RFX4: variants seen among roughly 807,000 people sequenced by gnomAD.
The protein encoded by RFX4 is regulatory factor X4.
In RFX4, 10 loss-of-function variants were observed where a neutral mutation model predicts 95.0. The observed-to-expected ratio is 0.11, with a 90% CI of 0.06 to 0.18. The LOEUF is 0.18. Among genes scored for constraint, RFX4 ranks in the 10% least tolerant of loss-of-function variants. RFX4 has a pLI of 1.00. For missense variants in RFX4, 640 were observed against 922.0 expected (o/e 0.69, Z 3.96); for synonymous variants, 321 against 340.7 (o/e 0.94, Z 0.64).
At chr12:106,738,195 C>A (rs867958204) in intron 15 of RFX4, among the ~76,000 whole-genome samples, 1 of 152,180 alleles carries the variant, frequency 6.6e-6, no homozygotes, top group African/African-American at 2.4e-5. Flanking sequence ...GAGACACACA[C>A]GAGTCTGCTA....
At chr12:106,742,169 T>G (rs2042818831) in intron 15 of RFX4, among the ~76,000 whole-genome samples, 1 of 152,092 alleles carries the variant, frequency 6.6e-6, no homozygotes, top group Non-Finnish European at 1.5e-5. Flanking sequence ...GCTTCAGGTT[T>G]TTGTTGTTGT....
intron 3 of RFX4, among the ~76,000 whole-genome samples, chr12:106,650,339 G>A (rs2040835097): frequency 6.6e-6 from 1 of 152,104 alleles, no homozygotes; most frequent in Non-Finnish European, 1.5e-5. Context: ...ACACAAAATT[G>A]CAGTTGCCCA....
At chr12:106,704,980 T>G (rs906260495) in intron 8 of RFX4, among the ~76,000 whole-genome samples, 4 of 152,272 alleles carry the variant, frequency 2.6e-5, no homozygotes, top group African/African-American at 7.2e-5. Flanking sequence ...CAGCAAGGCA[T>G]GTCAAAGTGC....
At chr12:106,590,199 G>C (rs562923006) in intron 1 of RFX4, among the ~76,000 whole-genome samples, 5 of 152,378 alleles carry the variant, frequency 3.3e-5, no homozygotes, top group African/African-American at 1.2e-4. Context: ...TGGTCTGGAA[G>C]CTTAATGTTG....
At chr12:106,738,840 C>A (rs1310672519) in intron 15 of RFX4, among the ~76,000 whole-genome samples, 1 of 152,040 alleles carries the variant, frequency 6.6e-6, no homozygotes, top group Non-Finnish European at 1.5e-5. Context: ...AACTATTTAC[C>A]CATGCTAGAA....
intron 13 of RFX4, among the ~76,000 whole-genome samples, chr12:106,728,929 T>C (rs1450263263): frequency 6.6e-6 from 1 of 152,146 alleles, no homozygotes; most frequent in Non-Finnish European, 1.5e-5. Context: ...AAATTTAGAA[T>C]GGAAAATTAA....
intron 5 of RFX4, chr12:106,684,987 C>A: frequency 6.3e-7 from 1 of 1,590,828 alleles, no homozygotes; most frequent in South Asian, 1.1e-5. Context: ...AAGCCCTTCC[C>A]ATAATTCAAA....
intron 4 of RFX4, 103 bp downstream of exon 4, chr12:106,654,454 T>G (rs1371469058): frequency 1.5e-6 from 2 of 1,334,334 alleles, no homozygotes; most frequent in African/African-American, 3.0e-5. Context: ...GTTATCAAAG[T>G]ACTTACTTAC....
At position 106,686,862 on chromosome 12, in the gene RFX4, CCT is replaced by C; in HGVS notation, c.378-20_378-19del. On this transcript the variant is annotated intron_variant, in intron 5 of 17. Coordinates refer to ENST00000392842, the MANE Select transcript of RFX4 (RefSeq NM_213594.3). Reference sequence around the variant, plus strand: ...CTCTTTTTTTTTTTTTCTCTCTCTCCCTCCCTCCCCTTGTGGCCCAGGTACCA... The same window carrying C: ...CTCTTTTTTTTTTTTTCTCTCTCTCCCCCTCCCCTTGTGGCCCAGGTACCA... 1 of 695,706 alleles carries C rather than the reference CCT, an allele frequency of 1.4e-6. No homozygotes were observed. Among genetic ancestry groups the C allele is most frequent in the Non-Finnish European group, 2.0e-6 (1 of 512,294 alleles). 43.1% of individuals were successfully genotyped at this position (695,706 alleles called of 1,614,324 possible). A position where few individuals can be genotyped will look rare whatever the true frequency, so the allele number is the denominator to read the frequency against.
intron 1 of RFX4, among the ~76,000 whole-genome samples, chr12:106,597,562 T>C: frequency 6.6e-6 from 1 of 152,234 alleles, no homozygotes; most frequent in East Asian, 1.9e-4. Context: ...TTACTGATAC[T>C]ACTCCGTTTT....
At chr12:106,743,587 T>C (rs184369749) in intron 15 of RFX4, among the ~76,000 whole-genome samples, 1 of 152,322 alleles carries the variant, frequency 6.6e-6, no homozygotes, top group East Asian at 1.9e-4. Flanking sequence ...CAGCATTTAC[T>C]CCTTCAACAA....
At position 106,601,268 on chromosome 12, in the gene RFX4, T is replaced by G. The variant is rs367938065; in HGVS notation, c.44-7529T>G. ...AGCCAGGAGAGAGACAGAAAGGGGCTGAGACAGAATGATCAAAAGGAGAGC... is the reference window on the plus strand; with the variant it reads ...AGCCAGGAGAGAGACAGAAAGGGGCGGAGACAGAATGATCAAAAGGAGAGC... On this transcript the variant is annotated intron_variant, in intron 1 of 17. Coordinates refer to ENST00000392842, the MANE Select transcript of RFX4 (RefSeq NM_213594.3). The G allele has an allele frequency of 3.8e-6, 6 of 1,585,428 alleles. No homozygotes were observed. In the East Asian group the frequency reaches 1.1e-4, roughly 30 times the overall value.
Position 106,733,029 on chromosome 12 carries a change from C to A in RFX4, c.1577C>A (p.Pro526His), listed in dbSNP as rs771463217. ...AKSATSVEVP[P>H]PSSPVSNPSP... ...TCTGCCACATCTGTGGAAGTGCCAC[C>A]TCCCTCTTCCCCTGTTAGCAATCCT... Residue 526 changes from proline (P) to histidine (H), a missense_variant, in exon 15 of 18, where the codon CCT becomes CAT. Physicochemically the swap from Pro to His is moderately conservative, Grantham distance 77. Transcript: ENST00000392842. 1 of 1,614,084 alleles carries A rather than the reference C, an allele frequency of 6.2e-7. No homozygotes were observed. Among genetic ancestry groups the A allele is most frequent in the Non-Finnish European group, 8.5e-7 (1 of 1,180,036 alleles).
chr12:106,706,933 C>T (rs986559637), intron 8 of RFX4, among the ~76,000 whole-genome samples: 4 of 152,276 alleles, frequency 2.6e-5, no homozygotes, highest in African/African-American at 9.6e-5. Flanking sequence ...TTAAATGTTG[C>T]ATGCATATTG....
chr12:106,618,962 T>C (rs753448528), intron 2 of RFX4, among the ~76,000 whole-genome samples: 15 of 152,188 alleles, frequency 9.9e-5, no homozygotes, highest in Non-Finnish European at 2.1e-4. Flanking sequence ...TCACTAATTA[T>C]TATTAATACA....
chr12:106,694,542 T>G (rs1248699157), intron 7 of RFX4, among the ~76,000 whole-genome samples: 3 of 152,104 alleles, frequency 2.0e-5, no homozygotes, highest in Non-Finnish European at 4.4e-5. Flanking sequence ...CCAGTTACCA[T>G]GTGAAGAACA....
At chr12:106,651,205 A>G (rs996781395) in intron 3 of RFX4, among the ~76,000 whole-genome samples, 4 of 152,040 alleles carry the variant, frequency 2.6e-5, no homozygotes, top group Admixed American at 2.0e-4. Context: ...TTGCTGTTCT[A>G]CTTGCCTGGA....
chr12:106,725,561 A>G (rs575491586), intron 13 of RFX4, among the ~76,000 whole-genome samples: 17 of 152,378 alleles, frequency 1.1e-4, no homozygotes, highest in African/African-American at 4.1e-4. Context: ...TAGGAATACT[A>G]GGTAACTTTA....
At chr12:106,700,563 C>G (rs1006518815) in intron 8 of RFX4, among the ~76,000 whole-genome samples, 4 of 151,212 alleles carry the variant, frequency 2.6e-5, no homozygotes, top group African/African-American at 9.7e-5. Flanking sequence ...CCAGCTACCA[C>G]GCCCGGCTAA....
Sources: gnomAD v4.1 joint callset for allele counts (sites outside exome capture counted in the v4.1 genomes callset) on GRCh38, gnomAD v4.1.1 for gene constraint, MANE v1.5 for transcripts, NCBI Gene and HGNC (gene_info 2026-07-23, HGNC 2026-07-21) for gene names.